Variants in HCN1 observed in about 807,000 individuals in gnomAD.
HCN1 encodes hyperpolarization activated cyclic nucleotide gated potassium channel 1.
Under a neutral mutation model 78.9 loss-of-function variants are expected in HCN1, and 13 were observed. That is an observed-to-expected ratio of 0.16 (90% CI 0.11 to 0.26). HCN1 has a LOEUF of 0.26. HCN1 is among the 10% of genes least tolerant of loss of function. The probability of loss-of-function intolerance (pLI) is 1.00; values close to 1 mark genes in which losing one functional copy is unlikely to be tolerated. For synonymous variants in HCN1, 552 were observed against 455.5 expected (o/e 1.21, Z -2.70); for missense variants, 810 against 1,154.3 (o/e 0.70, Z 4.32).
At chr5:45,375,904 T>C (rs1747635074) in intron 4 of HCN1, among the ~76,000 whole-genome samples, 1 of 123,466 alleles carries the variant, frequency 8.1e-6, no homozygotes, top group African/African-American at 3.2e-5. Context: ...TATGATATAA[T>C]ATTTTATCTT....
rs1744653577 is a variant in HCN1 at position 45,257,989 on chromosome 5, GT to G, written c.*3931del. ...TAAAGTAGGTGAACATAAAATAAAA[GT>G]TTGCTAGTTGTAGTGCATATGAACA... On this transcript the variant is annotated 3_prime_UTR_variant, in exon 8 of 8. Transcript: ENST00000303230. The G allele has an allele frequency of 6.7e-6, 1 of 148,406 alleles. No individual in the cohort carries two copies. Among genetic ancestry groups the G allele is most frequent in the African/African-American group, 2.6e-5 (1 of 37,906 alleles). The allele number at this position is 148,406 out of a possible 1,614,324, so 9.2% of individuals were successfully genotyped here. A position where few individuals can be genotyped will look rare whatever the true frequency, so the allele number is the denominator to read the frequency against.
intron 2 of HCN1, among the ~76,000 whole-genome samples, chr5:45,564,847 G>T (rs898284081): frequency 6.6e-6 from 1 of 152,146 alleles, no homozygotes; most frequent in Non-Finnish European, 1.5e-5. Context: ...GGGAAGAAAA[G>T]AAATGACAGC....
intron 5 of HCN1, among the ~76,000 whole-genome samples, chr5:45,330,699 T>A (rs1256613765): frequency 6.6e-6 from 1 of 151,142 alleles, no homozygotes; most frequent in Non-Finnish European, 1.5e-5. Context: ...AAGAAATTCT[T>A]ATTACTCAAT....
intron 1 of HCN1, among the ~76,000 whole-genome samples, chr5:45,650,266 T>C (rs1329802311): frequency 6.6e-6 from 1 of 152,066 alleles, no homozygotes; most frequent in African/African-American, 2.4e-5. Context: ...GTGTAGCATA[T>C]AGAACCTGTA....
chr5:45,515,229 C>CT (rs1163928853), intron 2 of HCN1, among the ~76,000 whole-genome samples: 3 of 151,972 alleles, frequency 2.0e-5, no homozygotes, highest in Admixed American at 1.3e-4. Flanking sequence ...AATAGGTTTT[C>CT]TTTTTTTCTT....
At chr5:45,479,442 G>T (rs1174308728) in intron 2 of HCN1, among the ~76,000 whole-genome samples, 3 of 152,150 alleles carry the variant, frequency 2.0e-5, no homozygotes, top group Non-Finnish European at 2.9e-5. Context: ...ATAATTAATT[G>T]TAAAGGAGAA....
intron 3 of HCN1, among the ~76,000 whole-genome samples, chr5:45,410,299 C>T (rs753571482): frequency 6.6e-6 from 1 of 151,916 alleles, no homozygotes; most frequent in Non-Finnish European, 1.5e-5. Flanking sequence ...CTGCTGATTG[C>T]AGATATAGTG....
chr5:45,519,096 T>C (rs890779284), intron 2 of HCN1, among the ~76,000 whole-genome samples: 2 of 151,962 alleles, frequency 1.3e-5, no homozygotes, highest in Non-Finnish European at 2.9e-5. Context: ...GCATAAATTA[T>C]GGCCATATAT....
chr5:45,473,020 C>T (rs2111655460), intron 2 of HCN1, among the ~76,000 whole-genome samples: 1 of 151,968 alleles, frequency 6.6e-6, no homozygotes, highest in East Asian at 1.9e-4. Context: ...GTTGAAAATG[C>T]CTAACCTTTA....
chr5:45,416,495 A>T (rs1306701730), intron 3 of HCN1, among the ~76,000 whole-genome samples: 2 of 152,032 alleles, frequency 1.3e-5, no homozygotes, highest in Non-Finnish European at 2.9e-5. Flanking sequence ...GTTTCCTTAG[A>T]TGAAGAAAAC....
chr5:45,559,128 C>T (rs1292781763), intron 2 of HCN1: 2 of 151,490 alleles, frequency 1.3e-5, no homozygotes, highest in African/African-American at 2.4e-5. Context: ...ACCGACTGTT[C>T]AGAAAAAAAA....
intron 2 of HCN1, among the ~76,000 whole-genome samples, chr5:45,479,575 TTGA>T (rs1233419859): frequency 2.0e-5 from 3 of 152,138 alleles, no homozygotes; most frequent in Non-Finnish European, 4.4e-5. Flanking sequence ...CTGACAATAC[TTGA>T]TGATGAACTG....
intron 6 of HCN1, among the ~76,000 whole-genome samples, chr5:45,281,000 C>T (rs1176420140): frequency 1.3e-5 from 2 of 149,074 alleles, no homozygotes; most frequent in African/African-American, 5.0e-5. Flanking sequence ...GAATCTGTGG[C>T]ATTTAGATTC....
intron 4 of HCN1, among the ~76,000 whole-genome samples, chr5:45,360,947 C>G (rs1747095338): frequency 6.6e-6 from 1 of 152,160 alleles, no homozygotes; most frequent in East Asian, 1.9e-4. Flanking sequence ...TTATTTAGCT[C>G]TCAAGATATG....
intron 2 of HCN1, among the ~76,000 whole-genome samples, chr5:45,521,846 G>A (rs1742619207): frequency 6.6e-6 from 1 of 151,876 alleles, no homozygotes; most frequent in Admixed American, 6.6e-5. Flanking sequence ...TCATTAATCA[G>A]CTATGTTATT....
intron 1 of HCN1, among the ~76,000 whole-genome samples, chr5:45,663,714 T>C (rs1252521969): frequency 2.0e-5 from 3 of 151,962 alleles, no homozygotes; most frequent in Admixed American, 6.6e-5. Context: ...AAAATGCTCA[T>C]CATCACTGGC....
intron 2 of HCN1, among the ~76,000 whole-genome samples, chr5:45,608,639 C>A (rs1744773592): frequency 6.6e-6 from 1 of 151,690 alleles, no homozygotes; most frequent in Non-Finnish European, 1.5e-5. Flanking sequence ...ATATGAAAAT[C>A]AATTTTGATG....
At chr5:45,368,645 G>C (rs187024156) in intron 4 of HCN1, among the ~76,000 whole-genome samples, 31 of 152,018 alleles carry the variant, frequency 2.0e-4, no homozygotes, top group African/African-American at 7.0e-4. Context: ...CTCCACTTGG[G>C]TGTGTACTGA....
chr5:45,649,304 T>G (rs978028102), intron 1 of HCN1, among the ~76,000 whole-genome samples: 1 of 152,006 alleles, frequency 6.6e-6, no homozygotes, highest in African/African-American at 2.4e-5. Context: ...TTTAACTGAG[T>G]GTACAGAGAT....
Sources: allele counts gnomAD v4.1 joint callset (sites outside exome capture counted in the v4.1 genomes callset), GRCh38; gene constraint gnomAD v4.1.1; transcripts MANE v1.5; gene names NCBI Gene and HGNC (gene_info 2026-07-23, HGNC 2026-07-21).